The following PTPRG variants were observed in gnomAD, a reference collection of about 807,000 sequenced individuals.
PTPRG encodes the protein receptor-type tyrosine-protein phosphatase gamma.
PTPRG carries 102 observed loss-of-function variants against 165.3 expected under a neutral mutation model. The observed-to-expected ratio is 0.62, with a 90% CI of 0.53 to 0.73. PTPRG has a LOEUF of 0.73. PTPRG is among the 30% of genes least tolerant of loss of function. The probability of loss-of-function intolerance (pLI) is 0.00; values close to 1 mark genes in which losing one functional copy is unlikely to be tolerated. For synonymous variants in PTPRG, 675 were observed against 669.5 expected (o/e 1.01, Z -0.13); for missense variants, 1,866 against 1,861.4 (o/e 1.00, Z -0.05).
intron 1 of PTPRG, among the ~76,000 whole-genome samples, chr3:61,713,693 C>T (rs1385545331): frequency 3.9e-5 from 6 of 151,990 alleles, no homozygotes; most frequent in Admixed American, 1.3e-4. Flanking sequence ...ACGTGCTGGC[C>T]GCAGCATTCA....
intron 4 of PTPRG, among the ~76,000 whole-genome samples, chr3:62,045,944 C>G (rs976885771): frequency 2.0e-5 from 3 of 152,226 alleles, no homozygotes; most frequent in East Asian, 3.8e-4. Context: ...GTCTCAATGA[C>G]AGTGCTCCAG....
intron 4 of PTPRG, among the ~76,000 whole-genome samples, chr3:62,040,953 G>A (rs1700108949): frequency 6.6e-6 from 1 of 152,202 alleles, no homozygotes; most frequent in Non-Finnish European, 1.5e-5. Flanking sequence ...GACAGACATA[G>A]AGGTCAAGCC....
At chr3:61,821,280 C>G (rs1254944877) in intron 2 of PTPRG, among the ~76,000 whole-genome samples, 1 of 152,068 alleles carries the variant, frequency 6.6e-6, no homozygotes, top group African/African-American at 2.4e-5. Context: ...TGCCCTTCTC[C>G]TGCCTCAGCC....
intron 5 of PTPRG, among the ~76,000 whole-genome samples, chr3:62,130,766 A>G (rs1400647768): frequency 6.6e-6 from 1 of 152,088 alleles, no homozygotes; most frequent in African/African-American, 2.4e-5. Context: ...TACAAATACG[A>G]TGTTTCTTCT....
chr3:61,638,925 C>T (rs1318708036), intron 1 of PTPRG, among the ~76,000 whole-genome samples: 2 of 151,926 alleles, frequency 1.3e-5, no homozygotes, highest in Non-Finnish European at 2.9e-5. Context: ...TAATTAGGTC[C>T]AGTTGTCTGT....
At chr3:62,065,595 A>AATC (rs1376974772) in intron 4 of PTPRG, among the ~76,000 whole-genome samples, 1 of 152,208 alleles carries the variant, frequency 6.6e-6, no homozygotes, top group Non-Finnish European at 1.5e-5. Context: ...TAATAATAAT[A>AATC]ATAAAAAATC....
At chr3:61,856,940 G>C (rs369298471) in intron 2 of PTPRG, among the ~76,000 whole-genome samples, 3 of 152,132 alleles carry the variant, frequency 2.0e-5, no homozygotes, top group African/African-American at 7.2e-5. Context: ...GACTGCTGTC[G>C]CTCAAGCTGA....
At chr3:61,743,030 T>TG (rs2033057998) in intron 1 of PTPRG, 8 of 1,592,106 alleles carry the variant, frequency 5.0e-6, no homozygotes, top group Middle Eastern at 1.8e-4. Flanking sequence ...TCCAGGAACT[T>TG]GCGGCGCTTG....
chr3:61,948,127 C>G (rs2107618361), intron 2 of PTPRG, among the ~76,000 whole-genome samples: 1 of 152,132 alleles, frequency 6.6e-6, no homozygotes, highest in East Asian at 1.9e-4. Context: ...GAGTTCAAGA[C>G]CAGCCTAACC....
At chr3:61,615,189 A>G (rs1375812019) in intron 1 of PTPRG, among the ~76,000 whole-genome samples, 1 of 152,208 alleles carries the variant, frequency 6.6e-6, no homozygotes. Context: ...ATACCACACT[A>G]CTGTCTAATC....
intron 5 of PTPRG, among the ~76,000 whole-genome samples, chr3:62,116,426 A>G (rs540035450): frequency 2.0e-5 from 3 of 152,244 alleles, no homozygotes; most frequent in East Asian, 1.9e-4. Flanking sequence ...ATAATTTACC[A>G]TAAACACAGC....
At chr3:61,742,345 A>G (rs2033023224) in intron 1 of PTPRG, 1 of 691,686 alleles carries the variant, frequency 1.4e-6, no homozygotes, top group Non-Finnish European at 2.3e-6. Flanking sequence ...TGATATCTTC[A>G]GTAGTAGGTG....
chr3:61,955,737 A>G (rs1051013673), intron 2 of PTPRG, among the ~76,000 whole-genome samples: 12 of 152,196 alleles, frequency 7.9e-5, no homozygotes, highest in Admixed American at 5.9e-4. Flanking sequence ...AAAGATTTAT[A>G]TTATGTTTCA....
chr3:61,952,886 C>G (rs1459971748), intron 2 of PTPRG, among the ~76,000 whole-genome samples: 1 of 152,212 alleles, frequency 6.6e-6, no homozygotes, highest in Non-Finnish European at 1.5e-5. Flanking sequence ...TAGAACATCG[C>G]TTCAAGTTTA....
chr3:62,272,528 C>G (rs1464209763), intron 21 of PTPRG, among the ~76,000 whole-genome samples: 1 of 152,096 alleles, frequency 6.6e-6, no homozygotes, highest in East Asian at 1.9e-4. Flanking sequence ...AAGTGAATAA[C>G]GTACGTCATC....
chr3:61,669,951 G>A (rs1182281854), intron 1 of PTPRG, among the ~76,000 whole-genome samples: 2 of 152,134 alleles, frequency 1.3e-5, no homozygotes, highest in Non-Finnish European at 2.9e-5. Flanking sequence ...TAGGGTGGTT[G>A]AGTTTCAGTA....
intron 4 of PTPRG, among the ~76,000 whole-genome samples, chr3:62,044,367 C>T (rs1025681109): frequency 1.6e-4 from 24 of 152,056 alleles, no homozygotes; most frequent in Non-Finnish European, 2.5e-4. Flanking sequence ...GGTGAAACCC[C>T]GTCTCTACTA....
At chr3:62,012,578 G>A (rs1158821275) in intron 4 of PTPRG, among the ~76,000 whole-genome samples, 1 of 152,020 alleles carries the variant, frequency 6.6e-6, no homozygotes. Context: ...CCTTAAATAC[G>A]TAGCCTGAAG....
In PTPRG at chr3:62,124,408, G is replaced by A. The variant is rs112142094; in HGVS notation, c.616-8194G>A. On this transcript the variant is annotated intron_variant, in intron 5 of 29. Coordinates refer to ENST00000474889, the MANE Select transcript of PTPRG (RefSeq NM_002841.4). Reference sequence around the variant, plus strand: ...GCAGGTCCAAGATGTAGTCGATGACGTGCTGCAGGATTTCCATCTTGCTCA... The same window carrying A: ...GCAGGTCCAAGATGTAGTCGATGACATGCTGCAGGATTTCCATCTTGCTCA... The A allele has an allele frequency of 4.4e-4, 707 of 1,613,844 alleles. 4 individuals carry two copies. In the African/African-American group the frequency reaches 7.6e-3, roughly 17 times the overall value.
Sources: allele counts gnomAD v4.1 joint callset (sites outside exome capture counted in the v4.1 genomes callset), GRCh38; gene constraint gnomAD v4.1.1; transcripts MANE v1.5; gene names NCBI Gene and HGNC (gene_info 2026-07-23, HGNC 2026-07-21).